Variants in C1orf116 observed in about 807,000 individuals in gnomAD.
C1orf116 encodes the protein specifically androgen-regulated gene protein.
C1orf116 carries 12 observed loss-of-function variants against 14.1 expected under a neutral mutation model. The observed-to-expected ratio is 0.85, with a 90% CI of 0.54 to 1.38. The LOEUF (loss-of-function observed/expected upper bound fraction) is 1.38, where lower values mean the gene tolerates loss of function less well. Among genes scored for constraint, C1orf116 ranks in the 40% most tolerant of loss-of-function variants. The pLI is 0.00. For synonymous variants in C1orf116, 296 were observed against 299.0 expected (o/e 0.99, Z 0.10); for missense variants, 797 against 747.0 (o/e 1.07, Z -0.78).
rs1391281292 is a variant in C1orf116, at chr1:207,019,473, C to T, written c.*2485G>A. The stretch of plus-strand genomic sequence containing the variant: ...TTGAAAAGGGATGAGTAACTCTGAC[C>T]CTACTCTTACCTCCCTCCCCATCAA... On this transcript the variant is annotated 3_prime_UTR_variant, in exon 4 of 4. Coordinates refer to ENST00000359470, the MANE Select transcript of C1orf116 (RefSeq NM_023938.6). 1 of 152,198 alleles carries T rather than the reference C, an allele frequency of 6.6e-6. No homozygotes were observed. Among genetic ancestry groups the T allele is most frequent in the Non-Finnish European group, 1.5e-5 (1 of 68,056 alleles). 9.4% of individuals were successfully genotyped at this position (152,198 alleles called of 1,614,324 possible).
At position 207,023,288 on chromosome 1, in the gene C1orf116, C is replaced by T; in HGVS notation, c.476G>A (p.Gly159Glu). The change falls in exon 4 of 4, where the codon GGA becomes GAA. Residue 159 changes from glycine (G) to glutamate (E), a missense_variant. Physicochemically the swap from Gly to Glu is moderately conservative, Grantham distance 98. Transcript: ENST00000359470. Reference protein sequence around the residue: ...STTQASSHNPGEPGRLAPEPE... With the variant: ...STTQASSHNPEEPGRLAPEPE... ...CTCTGGCGCAAGCCTCCCCGGTTCTCCAGGGTTGTGACTGCTAGCCTGGGT... is the reference window on the plus strand; with the variant it reads ...CTCTGGCGCAAGCCTCCCCGGTTCTTCAGGGTTGTGACTGCTAGCCTGGGT... 6.2e-7 allele frequency: 1 copy of T among 1,614,116 alleles called. No individual in the cohort carries two copies. The highest frequency in any genetic ancestry group is 8.5e-7 in the Non-Finnish European group (1 of 1,179,970).
At chr1:207,026,736 G>A (rs551009649) in intron 2 of C1orf116, among the ~76,000 whole-genome samples, 25 of 152,284 alleles carry the variant, frequency 1.6e-4, no homozygotes, top group African/African-American at 3.9e-4. Flanking sequence ...AAATGTTTGC[G>A]TCTGGATGCA....
At position 207,021,938 on chromosome 1, in the gene C1orf116, G is replaced by T. The variant is rs758951883; in HGVS notation, c.*20C>A. ...TCTCTTCTTGTTCAGCCAGGACAGG[G>T]TCTGTACTGGTCGCAGAGTCTACTC... On this transcript the variant is annotated 3_prime_UTR_variant, in exon 4 of 4. Coordinates refer to ENST00000359470, the MANE Select transcript of C1orf116 (RefSeq NM_023938.6). 2.6e-6 allele frequency: 4 copies of T among 1,515,660 alleles called. No homozygotes were observed. Among genetic ancestry groups the T allele is most frequent in the Non-Finnish European group, 3.5e-6 (4 of 1,133,022 alleles). 93.9% of individuals were successfully genotyped at this position (1,515,660 alleles called of 1,614,324 possible).
chr1:207,026,605 G>T (rs1332909517), intron 2 of C1orf116, among the ~76,000 whole-genome samples: 1 of 152,082 alleles, frequency 6.6e-6, no homozygotes, highest in African/African-American at 2.4e-5. Flanking sequence ...AAATCCACTG[G>T]TTGTCTTAAA....
In C1orf116 at chr1:207,027,476, A is replaced by G. The variant is rs373409325; in HGVS notation, c.105+18T>C. 38 of 1,613,418 alleles carry G rather than the reference A, an allele frequency of 2.4e-5. No individual in the cohort carries two copies. Among genetic ancestry groups the G allele is most frequent in the Non-Finnish European group, 3.1e-5 (37 of 1,179,946 alleles). ...TGCAGAGAGCAGACCAGGTTGCGGG[A>G]GGGAGAGTATTACGTACAGATCCAG... On this transcript the variant is annotated intron_variant, in intron 2 of 3. Transcript: ENST00000359470.
rs758104675 is a variant in C1orf116 at position 207,022,323 on chromosome 1, A to G, written c.1441T>C (p.Ser481Pro). The G allele has an allele frequency of 6.2e-7, 1 of 1,613,758 alleles. No individual in the cohort carries two copies. Among genetic ancestry groups the G allele is most frequent in the Non-Finnish European group, 8.5e-7 (1 of 1,179,804 alleles). ...ACGCCTGAGCGCTCCAGAGTGTTGGACTTGAAGTTCATCTGTCTCAGGCCA... is the reference window on the plus strand; with the variant it reads ...ACGCCTGAGCGCTCCAGAGTGTTGGGCTTGAAGTTCATCTGTCTCAGGCCA... ...TPGLRQMNFK[S>P]NTLERSGVGL... Residue 481 changes from serine (S) to proline (P), a missense_variant, in exon 4 of 4, where the codon TCC (serine) becomes CCC (proline). Physicochemically the swap from Ser to Pro is moderately conservative, Grantham distance 74 (BLOSUM62 -1). Transcript: ENST00000359470.
chr1:207,022,993 G>A lies in C1orf116; in HGVS notation c.771C>T (p.Thr257=), dbSNP rs1031951400. The A allele has an allele frequency of 1.2e-6, 2 of 1,614,046 alleles. No homozygotes were observed. Among genetic ancestry groups the A allele is most frequent in the African/African-American group, 1.3e-5 (1 of 75,022 alleles). The change falls in exon 4 of 4, where the codon ACC becomes ACT. Residue 257 remains threonine (T), a synonymous_variant. Coordinates refer to ENST00000359470, the MANE Select transcript of C1orf116 (RefSeq NM_023938.6). ...MSQKAKETVS[T]RYTQPQPPPA... is the part of the protein sequence containing the mutation. ...GAGGAGGCTGGGGTTGTGTGTACCT[G>A]GTTGAGACTGTTTCCTTGGCTTTTT...
Position 207,022,238 on chromosome 1 carries a change from A to G in C1orf116, c.1526T>C (p.Leu509Pro). 1 of 1,614,008 alleles carries G rather than the reference A, an allele frequency of 6.2e-7. No individual in the cohort carries two copies. The highest frequency in any genetic ancestry group is 8.5e-7 in the Non-Finnish European group (1 of 1,179,980). The change falls in exon 4 of 4, where the codon CTG becomes CCG. Residue 509 changes from leucine (L) to proline (P), a missense_variant. Physicochemically the swap from Leu to Pro is moderately conservative, Grantham distance 98. Transcript: ENST00000359470. ...CTTGTCCAAGAAGGAGCCCTTTCCC[A>G]GAGAAGTGCTGGTTTTGGGGCTGGC... ...KDASPKTSTS[L>P]GKGSFLDKIS...
At chr1:207,029,546 G>A (rs1036599049) in intron 1 of C1orf116, among the ~76,000 whole-genome samples, 7 of 152,106 alleles carry the variant, frequency 4.6e-5, no homozygotes, top group African/African-American at 1.7e-4. Flanking sequence ...TGTGAGTCTA[G>A]GCACACAGAA....
chr1:207,032,285 C>G (rs776255344), intron 1 of C1orf116, among the ~76,000 whole-genome samples: 20 of 152,236 alleles, frequency 1.3e-4, no homozygotes, highest in Non-Finnish European at 2.5e-4. Context: ...TGGAAATTTC[C>G]AAAACAAATC....
At chr1:207,032,411 A>G (rs1037282280) in intron 1 of C1orf116, among the ~76,000 whole-genome samples, 168 bp downstream of exon 1, 3 of 152,190 alleles carry the variant, frequency 2.0e-5, no homozygotes, top group Non-Finnish European at 4.4e-5. Flanking sequence ...TCAAGTTGCT[A>G]CCAACCTGAT....
At chr1:207,027,820 C>T (rs1682130607) in intron 1 of C1orf116, 141 bp from the exon 2 acceptor site, 17 of 962,604 alleles carry the variant, frequency 1.8e-5, no homozygotes, top group Non-Finnish European at 2.2e-5. Context: ...CCGACACCCC[C>T]GGCCTGCATG....
chr1:207,031,835 T>C (rs147374344), intron 1 of C1orf116, among the ~76,000 whole-genome samples: 108 of 152,356 alleles, frequency 7.1e-4, no homozygotes, highest in Non-Finnish European at 1.1e-3. Flanking sequence ...AATATTCATG[T>C]GGGTGAGGCT....
intron 1 of C1orf116, among the ~76,000 whole-genome samples, chr1:207,031,685 C>T (rs12064084): frequency 0.041 from 6,192 of 152,292 alleles, 400 homozygotes; most frequent in African/African-American, 0.14. Context: ...AAATCTGCCA[C>T]ACAAACTGCC....
chr1:207,032,308 C>T (rs955073801), intron 1 of C1orf116, among the ~76,000 whole-genome samples: 1 of 152,148 alleles, frequency 6.6e-6, no homozygotes, highest in Non-Finnish European at 1.5e-5. Context: ...TTTTCTTTTT[C>T]TTGTTGTTTG....
chr1:207,018,773 C>T lies in C1orf116; in HGVS notation c.*3185G>A, dbSNP rs917152257. The T allele has an allele frequency of 6.6e-6, 1 of 152,242 alleles. No individual in the cohort carries two copies. Among genetic ancestry groups the T allele is most frequent in the African/African-American group, 2.4e-5 (1 of 41,436 alleles). The allele number at this position is 152,242 out of a possible 1,614,324, so 9.4% of individuals were successfully genotyped here. A position where few individuals can be genotyped will look rare whatever the true frequency, so the allele number is the denominator to read the frequency against. ...CTGGGGAAAAGAGCCTAGATGTGTTCTATCTGCATTCCTGCTTAGATTCTG... is the reference window on the plus strand; with the variant it reads ...CTGGGGAAAAGAGCCTAGATGTGTTTTATCTGCATTCCTGCTTAGATTCTG... On this transcript the variant is annotated 3_prime_UTR_variant, in exon 4 of 4. Transcript: ENST00000359470.
Position 207,022,043 on chromosome 1 carries a change from CA to C in C1orf116, c.1720del (p.Cys574ValfsTer20), listed in dbSNP as rs755398518. The C allele has an allele frequency of 1.1e-4, 181 of 1,600,170 alleles. 2 individuals are homozygous for C. The highest frequency in any genetic ancestry group is 2.3e-4 in the South Asian group (20 of 88,242). ...QSRDKLPRPP[C>X]VSVKISPKGV... ...CTTTGGGGAGATCTTGACACTGACACAGGGGGGGCGAGGAAGCTTGTCACGG... is the reference window on the plus strand; with the variant it reads ...CTTTGGGGAGATCTTGACACTGACACGGGGGGGCGAGGAAGCTTGTCACGG... On this transcript the variant is annotated frameshift_variant, in exon 4 of 4. Coordinates refer to ENST00000359470, the MANE Select transcript of C1orf116 (RefSeq NM_023938.6). LOFTEE classifies it high-confidence loss of function.
In C1orf116 at chr1:207,028,673, C is replaced by A. The variant is rs17019579; in HGVS notation, c.-81-994G>T. Among the ~76,000 whole-genome samples, 700 of 152,266 alleles carry A rather than the reference C, an allele frequency of 4.6e-3. 4 individuals are homozygous for A. The highest frequency in any genetic ancestry group is 0.016 in the African/African-American group (680 of 41,532). Reference sequence around the variant, plus strand: ...AAAAAAAGTTTCAATGTCATTGTAACAATAGTAGTAGCAAAGGAAGGCAGT... The same window carrying A: ...AAAAAAAGTTTCAATGTCATTGTAAAAATAGTAGTAGCAAAGGAAGGCAGT... On this transcript the variant is annotated intron_variant, in intron 1 of 3. Coordinates refer to ENST00000359470, the MANE Select transcript of C1orf116 (RefSeq NM_023938.6).
chr1:207,023,281 C>G lies in C1orf116; in HGVS notation c.483G>C (p.Pro161=). Residue 161 remains proline, a synonymous_variant, in exon 4 of 4, where the codon CCG becomes CCC. Coordinates refer to ENST00000359470, the MANE Select transcript of C1orf116 (RefSeq NM_023938.6). The part of the protein sequence containing the change: ...TQASSHNPGE[P]GRLAPEPEKE... ...TCTCAGGCTCTGGCGCAAGCCTCCC[C>G]GGTTCTCCAGGGTTGTGACTGCTAG... 6.2e-7 allele frequency: 1 copy of G among 1,614,018 alleles called. No homozygotes were observed.
Sources: allele counts gnomAD v4.1 joint callset (sites outside exome capture counted in the v4.1 genomes callset), GRCh38; gene constraint gnomAD v4.1.1; transcripts MANE v1.5; gene names NCBI Gene and HGNC (gene_info 2026-07-23, HGNC 2026-07-21).